Variants in PLAGL1 observed in about 807,000 individuals in gnomAD.
PLAGL1 encodes zinc finger protein PLAGL1.
A neutral mutation model predicts 4.6 loss-of-function variants in PLAGL1; 1 was observed. The ratio of observed to expected loss-of-function variants is 0.22; its 90% CI spans 0.08 to 1.03. The LOEUF is 1.03. Ranked by LOEUF, PLAGL1 falls within the 50% of genes least tolerant of loss-of-function variation. The probability of loss-of-function intolerance (pLI) is 0.58; values close to 1 mark genes in which losing one functional copy is unlikely to be tolerated. For missense variants in PLAGL1, 464 were observed against 570.4 expected (o/e 0.81, Z 1.90); for synonymous variants, 240 against 237.8 (o/e 1.01, Z -0.08).
intron 1 of PLAGL1, among the ~76,000 whole-genome samples, chr6:144,032,148 T>C (rs917771541): frequency 1.6e-4 from 25 of 151,698 alleles, no homozygotes; most frequent in African/African-American, 5.3e-4. Flanking sequence ...ACAGAGTATC[T>C]ATCTCTCTGT....
At position 144,006,855 on chromosome 6, in the gene PLAGL1, TTG is replaced by T. The variant is rs1403072422; in HGVS notation, c.-584+1233_-584+1234del. On this transcript the variant is annotated intron_variant, in intron 1 of 7. Transcript: ENST00000674357. The surrounding 1 kb of genome is among the most constrained non-coding windows in gnomAD (Gnocchi z 4.3). Reference sequence around the variant, plus strand: ...TGACGTTTTACATCATGACACACATTTGTGTATGTATGAAACTGAGGAGGGGG... The same window carrying T: ...TGACGTTTTACATCATGACACACATTTGTATGTATGAAACTGAGGAGGGGG... 1 of 152,142 alleles carries T rather than the reference TTG, an allele frequency of 6.6e-6. No homozygotes were observed. The highest frequency in any genetic ancestry group is 1.5e-5 in the Non-Finnish European group (1 of 68,026). The allele number at this position is 152,142 out of a possible 1,614,324, so 9.4% of individuals were successfully genotyped here.
intron 1 of PLAGL1, among the ~76,000 whole-genome samples, chr6:144,023,922 A>C (rs1304697145): frequency 6.6e-6 from 1 of 151,798 alleles, no homozygotes; most frequent in Non-Finnish European, 1.5e-5. Context: ...GATTACAGGC[A>C]CGCACAACCA....
chr6:143,947,442 C>A lies in PLAGL1; in HGVS notation c.152+543G>T, dbSNP rs60453964. 6.6e-6 allele frequency among the ~76,000 whole-genome samples: 1 copy of A among 152,240 alleles called. No homozygotes were observed. Among genetic ancestry groups the A allele is most frequent in the South Asian group, 2.1e-4 (1 of 4,830 alleles). ...TATACACCTGAATGAGACAAACCCTCTCAGACAGAGGTAAGGCCTGCTATA... is the reference window on the plus strand; with the variant it reads ...TATACACCTGAATGAGACAAACCCTATCAGACAGAGGTAAGGCCTGCTATA... On this transcript the variant is annotated intron_variant, in intron 7 of 7. Coordinates refer to ENST00000674357, the MANE Select transcript of PLAGL1 (RefSeq NM_001317162.2). The surrounding 1 kb of genome is among the most constrained non-coding windows in gnomAD (Gnocchi z 4.3).
rs76363224 is a variant in PLAGL1 at position 144,056,413 on chromosome 6, A to G, written c.-151+8055T>C. Among the ~76,000 whole-genome samples, 1,329 of 152,302 alleles carry G rather than the reference A, an allele frequency of 8.7e-3. 68 individuals carry two copies. In the East Asian group the frequency reaches 0.14, roughly 16 times the overall value. ...CTATGTGTTTGGACAAATTTATAACAGCATATATCTACTAATATAGTGCCA... is the reference window on the plus strand; with the variant it reads ...CTATGTGTTTGGACAAATTTATAACGGCATATATCTACTAATATAGTGCCA... On this transcript the variant is annotated intron_variant, in intron 1 of 3. Transcript: ENST00000437412. The surrounding 1 kb of genome is among the most constrained non-coding windows in gnomAD (Gnocchi z 4.7).
At chr6:143,987,629 G>T (rs1789522577) in intron 1 of PLAGL1, among the ~76,000 whole-genome samples, 1 of 151,982 alleles carries the variant, frequency 6.6e-6, no homozygotes. Context: ...ACCCTACGAT[G>T]CCTGTTTGCC....
intron 1 of PLAGL1, among the ~76,000 whole-genome samples, chr6:144,020,848 A>T (rs1033041811): frequency 6.8e-6 from 1 of 146,116 alleles, no homozygotes; most frequent in Non-Finnish European, 1.5e-5. Flanking sequence ...ATATATATAA[A>T]ATATAATTAC....
At position 144,004,673 on chromosome 6, in the gene PLAGL1, G is replaced by T. The variant is rs1027385221; in HGVS notation, c.-584+3417C>A. Among the ~76,000 whole-genome samples, 1 of 152,104 alleles carries T rather than the reference G, an allele frequency of 6.6e-6. No individual in the cohort carries two copies. Among genetic ancestry groups the T allele is most frequent in the African/African-American group, 2.4e-5 (1 of 41,430 alleles). Reference sequence around the variant, plus strand: ...AGTAATCACAAAGGTATACACATATGTAAATTTCACCAAGCTACACACTTT... The same window carrying T: ...AGTAATCACAAAGGTATACACATATTTAAATTTCACCAAGCTACACACTTT... On this transcript the variant is annotated intron_variant, in intron 1 of 7. Transcript: ENST00000674357. This position sits in a 1 kb window ranked among gnomAD's most constrained non-coding sequence, Gnocchi z 4.2.
intron 1 of PLAGL1, among the ~76,000 whole-genome samples, chr6:144,019,552 A>G (rs983253864): frequency 1.3e-5 from 2 of 152,260 alleles, no homozygotes; most frequent in South Asian, 4.1e-4. Context: ...ATATTGTACT[A>G]ATGTTAAATT....
upstream of PLAGL1, among the ~76,000 whole-genome samples, chr6:144,010,136 C>G (rs1795058385): frequency 6.6e-6 from 1 of 152,208 alleles, no homozygotes; most frequent in South Asian, 2.1e-4. The surrounding 1 kb of genome is among the most constrained non-coding windows in gnomAD (Gnocchi z 4.1). Context: ...CTCCCACCAA[C>G]AGCGTAAAAG....
rs556792275 is a variant in PLAGL1 at position 143,975,398 on chromosome 6, A to G, written c.-543-6420T>C. On this transcript the variant is annotated intron_variant, in intron 2 of 7. Coordinates refer to ENST00000674357, the MANE Select transcript of PLAGL1 (RefSeq NM_001317162.2). The surrounding 1 kb of genome is among the most constrained non-coding windows in gnomAD (Gnocchi z 5.8). ...CAATTAACAATATTTTTGGAACCTT[A>G]GTTTCCCTATTTGTAAAAGAGGAAT... 6.6e-6 allele frequency among the ~76,000 whole-genome samples: 1 copy of G among 152,316 alleles called. No individual in the cohort carries two copies. The highest frequency in any genetic ancestry group is 2.1e-4 in the South Asian group (1 of 4,830).
In PLAGL1 at chr6:143,964,770, T is replaced by C. The variant is rs190978822; in HGVS notation, c.-399+17A>G. 1 of 152,362 alleles carries C rather than the reference T, an allele frequency of 6.6e-6. No individual in the cohort carries two copies. Among genetic ancestry groups the C allele is most frequent in the Non-Finnish European group, 1.5e-5 (1 of 68,086 alleles). The allele number at this position is 152,362 out of a possible 1,614,324, so 9.4% of individuals were successfully genotyped here. A position where few individuals can be genotyped will look rare whatever the true frequency, so the allele number is the denominator to read the frequency against. ...AAGGAAGGAAGGAAACAAGGGCAGA[T>C]GTTAGAGTATACTCACAAGATTAAC... On this transcript the variant is annotated intron_variant, in intron 5 of 7. Transcript: ENST00000674357. The surrounding 1 kb of genome is among the most constrained non-coding windows in gnomAD (Gnocchi z 4.3).
Position 144,022,753 on chromosome 6 carries a change from C to A in PLAGL1, c.-151+41715G>T, listed in dbSNP as rs143174482. Among the ~76,000 whole-genome samples, 145 of 152,304 alleles carry A rather than the reference C, an allele frequency of 9.5e-4. No individual in the cohort carries two copies. Among genetic ancestry groups the A allele is most frequent in the African/African-American group, 3.3e-3 (139 of 41,550 alleles). On this transcript the variant is annotated intron_variant, in intron 1 of 3. Transcript: ENST00000437412. The surrounding 1 kb of genome is among the most constrained non-coding windows in gnomAD (Gnocchi z 4.2). Reference sequence around the variant, plus strand: ...TTCCACCATGATTGTGAGGCCTCCCCAGCCATGTGGAACTGTGAGTCAATT... The same window carrying A: ...TTCCACCATGATTGTGAGGCCTCCCAAGCCATGTGGAACTGTGAGTCAATT...
At position 143,945,600 on chromosome 6, in the gene PLAGL1, C is replaced by T. The variant is rs1041904695; in HGVS notation, c.152+2385G>A. Among the ~76,000 whole-genome samples the T allele has an allele frequency of 1.5e-4, 23 of 152,168 alleles. No individual in the cohort carries two copies. Among genetic ancestry groups the T allele is most frequent in the South Asian group, 8.3e-4 (4 of 4,816 alleles). On this transcript the variant is annotated intron_variant, in intron 7 of 7. Transcript: ENST00000674357. The surrounding 1 kb of genome is among the most constrained non-coding windows in gnomAD (Gnocchi z 4.2). ...AAGTGATCCTCCTACCTCAGCCTCCCGAGTAGCTGGGATTACAGGCGTGTA... is the reference window on the plus strand; with the variant it reads ...AAGTGATCCTCCTACCTCAGCCTCCTGAGTAGCTGGGATTACAGGCGTGTA...
In PLAGL1 at chr6:143,957,040, G is replaced by T. The variant is rs549132996; in HGVS notation, c.-325+3429C>A. ...TCTTCCAGATGGGTCATCCAGTATA[G>T]TACCCACCAGGGGGAACGGAGGAAA... On this transcript the variant is annotated intron_variant, in intron 6 of 7. Coordinates refer to ENST00000674357, the MANE Select transcript of PLAGL1 (RefSeq NM_001317162.2). The surrounding 1 kb of genome is among the most constrained non-coding windows in gnomAD (Gnocchi z 4.2). 6.6e-6 allele frequency among the ~76,000 whole-genome samples: 1 copy of T among 152,360 alleles called. No homozygotes were observed. The highest frequency in any genetic ancestry group is 2.1e-4 in the South Asian group (1 of 4,828).
At chr6:144,037,120 A>G (rs1797300847) in intron 1 of PLAGL1, 1 of 153,998 alleles carries the variant, frequency 6.5e-6, no homozygotes, top group African/African-American at 2.4e-5. Flanking sequence ...AGTCCACCTG[A>G]TACAACACTG....
intron 1 of PLAGL1, among the ~76,000 whole-genome samples, chr6:143,991,520 G>A (rs908659978): frequency 6.6e-6 from 1 of 152,164 alleles, no homozygotes; most frequent in Non-Finnish European, 1.5e-5. Context: ...CCCATAACCT[G>A]TCTGGTTTTC....
rs1583832075 is a variant in PLAGL1, at chr6:144,039,276, T to C, written c.-151+25192A>G. Among the ~76,000 whole-genome samples, 1 of 152,198 alleles carries C rather than the reference T, an allele frequency of 6.6e-6. No homozygotes were observed. Among genetic ancestry groups the C allele is most frequent in the South Asian group, 2.1e-4 (1 of 4,832 alleles). On this transcript the variant is annotated intron_variant, in intron 1 of 3. Coordinates refer to the PLAGL1 transcript ENST00000437412. The surrounding 1 kb of genome is among the most constrained non-coding windows in gnomAD (Gnocchi z 4.1). ...ATGGTTGACTTCATTAGTCATCAGA[T>C]AATGAAATTTTAAAATATCACATGC...
chr6:144,049,316 C>A (rs1798410963), intron 1 of PLAGL1, among the ~76,000 whole-genome samples: 1 of 152,230 alleles, frequency 6.6e-6, no homozygotes, highest in East Asian at 1.9e-4. Context: ...CTGCCTGTTA[C>A]CCAGTTCCAA....
intron 7 of PLAGL1, among the ~76,000 whole-genome samples, chr6:143,946,808 G>A (rs960770569): frequency 1.3e-5 from 2 of 152,180 alleles, no homozygotes; most frequent in African/African-American, 4.8e-5. Flanking sequence ...ATGAAATTAA[G>A]GGCAAATGGT....
Sources: allele counts gnomAD v4.1 joint callset (sites outside exome capture counted in the v4.1 genomes callset), GRCh38; gene constraint gnomAD v4.1.1; non-coding constraint Gnocchi (gnomAD v3.1); transcripts MANE v1.5; gene names NCBI Gene and HGNC (gene_info 2026-07-23, HGNC 2026-07-21).